The following JAM3 variants were observed in gnomAD, a reference collection of about 807,000 sequenced individuals.
JAM3 encodes the protein junctional adhesion molecule C.
In JAM3, 31 loss-of-function variants were observed where a neutral mutation model predicts 39.4. That is an observed-to-expected ratio of 0.79 (90% CI 0.59 to 1.06). JAM3 has a LOEUF of 1.06. Ranked by LOEUF, JAM3 falls within the 50% of genes least tolerant of loss-of-function variation. The pLI is 0.00. For missense variants in JAM3, 455 were observed against 391.4 expected, an observed-to-expected ratio of 1.16 and a Z score of -1.37; for synonymous variants, 182 against 148.7, an observed-to-expected ratio of 1.22 and a Z score of -1.63.
chr11:134,075,834 G>A, intron 1 of JAM3, among the ~76,000 whole-genome samples: 1 of 152,070 alleles, frequency 6.6e-6, no homozygotes. Flanking sequence ...ATATCACCTA[G>A]CTTGTACCTG....
intron 1 of JAM3, among the ~76,000 whole-genome samples, chr11:134,088,348 C>T (rs1487239336): frequency 1.3e-5 from 2 of 152,144 alleles, no homozygotes; most frequent in East Asian, 1.9e-4. Context: ...GCTAAAGAAG[C>T]ATTGCTTTCC....
chr11:134,140,850 C>A, intron 3 of JAM3, 80 bp downstream of exon 3: 1 of 1,536,470 alleles, frequency 6.5e-7, no homozygotes, highest in Non-Finnish European at 8.8e-7. Context: ...CAGAAACTTA[C>A]CTCAGACTGG....
chr11:134,071,835 A>G (rs1460839258), intron 1 of JAM3, among the ~76,000 whole-genome samples: 1 of 144,028 alleles, frequency 6.9e-6, no homozygotes, highest in Non-Finnish European at 1.6e-5. Context: ...GTATGTTTTA[A>G]AAAAAACAAA....
At chr11:134,089,639 C>T (rs1172660693) in intron 1 of JAM3, among the ~76,000 whole-genome samples, 1 of 152,164 alleles carries the variant, frequency 6.6e-6, no homozygotes, top group Non-Finnish European at 1.5e-5. Flanking sequence ...GACATGAACT[C>T]ATCATTTTTT....
At chr11:134,134,990 A>C (rs563481839) in intron 1 of JAM3, among the ~76,000 whole-genome samples, 21 of 151,754 alleles carry the variant, frequency 1.4e-4, no homozygotes, top group African/African-American at 5.1e-4. Context: ...TTGATGTTTA[A>C]ATTTTTTTTG....
In JAM3 at chr11:134,149,142, G is replaced by A. The variant is rs2120393578; in HGVS notation, c.898-4G>A. The stretch of plus-strand genomic sequence containing the variant: ...ATGGCTCTAACTGTGTGTTGGCTTT[G>A]CAGGGCGACTTCAGACACAAGTCAT... On this transcript the variant is annotated splice_polypyrimidine_tract_variant and splice_region_variant and intron_variant, in intron 8 of 8. Transcript: ENST00000299106. 11 of 1,614,032 alleles carry A rather than the reference G, an allele frequency of 6.8e-6. No individual in the cohort carries two copies. Among genetic ancestry groups the A allele is most frequent in the Non-Finnish European group, 9.3e-6 (11 of 1,179,878 alleles).
chr11:134,106,411 C>G (rs1462010841), intron 1 of JAM3, among the ~76,000 whole-genome samples: 1 of 152,068 alleles, frequency 6.6e-6, no homozygotes, highest in Non-Finnish European at 1.5e-5. Context: ...AAAACCTAGG[C>G]AATACCATTC....
At chr11:134,104,049 A>T (rs755649306) in intron 1 of JAM3, among the ~76,000 whole-genome samples, 7 of 152,230 alleles carry the variant, frequency 4.6e-5, no homozygotes, top group Non-Finnish European at 7.3e-5. Flanking sequence ...AATCAACAGA[A>T]TATACATTCT....
chr11:134,088,313 A>T (rs1941778181), intron 1 of JAM3, among the ~76,000 whole-genome samples: 1 of 151,504 alleles, frequency 6.6e-6, no homozygotes, highest in South Asian at 2.1e-4. Flanking sequence ...CCATTTTACC[A>T]CCCCCGAAGC....
At chr11:134,125,377 TCTC>T (rs2120793359) in intron 1 of JAM3, among the ~76,000 whole-genome samples, 1 of 152,328 alleles carries the variant, frequency 6.6e-6, no homozygotes, top group Admixed American at 6.5e-5. Context: ...AACAATGGGA[TCTC>T]CTTTTAGGCT....
intron 1 of JAM3, among the ~76,000 whole-genome samples, chr11:134,132,560 A>C (rs750082830): frequency 2.4e-4 from 36 of 152,340 alleles, no homozygotes; most frequent in Non-Finnish European, 4.3e-4. Context: ...TTTTTGAAGA[A>C]ATTATAACAC....
chr11:134,132,896 G>T (rs1393473419), intron 1 of JAM3, among the ~76,000 whole-genome samples: 1 of 152,168 alleles, frequency 6.6e-6, no homozygotes, highest in Non-Finnish European at 1.5e-5. Flanking sequence ...TCCTACTCTG[G>T]TACTGGTGGT....
intron 1 of JAM3, among the ~76,000 whole-genome samples, chr11:134,108,087 A>G (rs35016173): frequency 1.3e-5 from 2 of 152,048 alleles, no homozygotes; most frequent in Non-Finnish European, 2.9e-5. Context: ...GAGAAAAGAA[A>G]CAAGTTAACA....
chr11:134,128,634 G>A (rs1942701536), intron 1 of JAM3, among the ~76,000 whole-genome samples: 1 of 152,094 alleles, frequency 6.6e-6, no homozygotes, highest in East Asian at 1.9e-4. Context: ...TCACTCGTGT[G>A]CATGTGTGCT....
chr11:134,137,760 A>G (rs12803342), intron 1 of JAM3, among the ~76,000 whole-genome samples: 2 of 93,922 alleles, frequency 2.1e-5, no homozygotes, highest in African/African-American at 9.2e-5. Context: ...TGGTGCTCAT[A>G]CTGAGAGAAA....
chr11:134,076,828 T>C (rs1591767668), intron 1 of JAM3, among the ~76,000 whole-genome samples: 1 of 147,286 alleles, frequency 6.8e-6, no homozygotes. Flanking sequence ...CACTAACATC[T>C]ATTGCTTTTT....
At chr11:134,094,722 C>T (rs1456862522) in intron 1 of JAM3, among the ~76,000 whole-genome samples, 5 of 152,154 alleles carry the variant, frequency 3.3e-5, no homozygotes, top group African/African-American at 1.2e-4. Context: ...CTTTCGTGGC[C>T]CCTATACTTT....
chr11:134,144,162 C>T lies in JAM3; in HGVS notation c.257-79C>T, dbSNP rs1943026458. 4.7e-5 allele frequency: 67 copies of T among 1,436,810 alleles called. 1 individual carries two copies. The South Asian group carries it at 7.5e-4, about 16-fold the overall frequency. The allele number at this position is 1,436,810 out of a possible 1,614,324, so 89.0% of individuals were successfully genotyped here. A position where few individuals can be genotyped will look rare whatever the true frequency, so the allele number is the denominator to read the frequency against. ...GGCTTCCTTGCTGTGGCATCTAGTG[C>T]TAGCCCCAGAAACCACCCTCTTCAA... On this transcript the variant is annotated intron_variant, in intron 3 of 8. Transcript: ENST00000299106.
intron 1 of JAM3, among the ~76,000 whole-genome samples, chr11:134,110,056 T>TGCTTAA (rs1942279742): frequency 6.6e-6 from 1 of 152,194 alleles, no homozygotes; most frequent in Non-Finnish European, 1.5e-5. Context: ...AAATACAAGA[T>TGCTTAA]GCTTAACCTA....
Sources: allele counts gnomAD v4.1 joint callset (sites outside exome capture counted in the v4.1 genomes callset), GRCh38; gene constraint gnomAD v4.1.1; transcripts MANE v1.5; gene names NCBI Gene and HGNC (gene_info 2026-07-23, HGNC 2026-07-21).